Variants in ADCY2 observed in about 807,000 individuals in gnomAD.
ADCY2 encodes the protein adenylate cyclase 2, also known as adenylate cyclase type 2.
In ADCY2, 31 loss-of-function variants were observed where a neutral mutation model predicts 125.2. The observed-to-expected ratio is 0.25, with a 90% CI of 0.19 to 0.33. ADCY2 has a LOEUF of 0.33. ADCY2 is among the 10% of genes least tolerant of loss of function. The pLI, the probability that ADCY2 is intolerant of heterozygous loss-of-function variation, is 1.00. For synonymous variants in ADCY2, 512 were observed against 548.4 expected, an observed-to-expected ratio of 0.93 and a Z score of 0.93; for missense variants, 904 against 1,418.2, an observed-to-expected ratio of 0.64 and a Z score of 5.82.
rs796235047 is a variant in ADCY2 at position 7,501,531 on chromosome 5, A to T, written c.409-19207A>T. ...AAGAAGTTTAGTTTTGATATAGAAT[A>T]AAAAATCAGAAATAATTTTTAGGAA... On this transcript the variant is annotated intron_variant, in intron 2 of 24. Coordinates refer to ENST00000338316, the MANE Select transcript of ADCY2 (RefSeq NM_020546.3). Among the ~76,000 whole-genome samples, 8 of 152,116 alleles carry T rather than the reference A, an allele frequency of 5.3e-5. 1 individual carries two copies. The highest frequency in any genetic ancestry group is 1.9e-4 in the African/African-American group (8 of 41,502).
At chr5:7,722,960 CAAAAAAAAAAA>C (rs60426818) in intron 12 of ADCY2, among the ~76,000 whole-genome samples, 1 of 51,668 alleles carries the variant, frequency 1.9e-5, no homozygotes, top group South Asian at 9.9e-4. Context: ...AACTCCATCT[CAAAAAAAAAAA>C]AAAAAAAAAA....
At chr5:7,612,377 C>T (rs1050636301) in intron 3 of ADCY2, among the ~76,000 whole-genome samples, 13 of 152,268 alleles carry the variant, frequency 8.5e-5, no homozygotes, top group Admixed American at 2.0e-4. Flanking sequence ...TTGGGCTTCC[C>T]AGAAGCAGGC....
At chr5:7,578,270 G>T (rs913584491) in intron 3 of ADCY2, among the ~76,000 whole-genome samples, 8 of 152,318 alleles carry the variant, frequency 5.3e-5, no homozygotes, top group Non-Finnish European at 1.2e-4. Flanking sequence ...AGCCAGAGGA[G>T]GCCTTCTGAA....
intron 2 of ADCY2, among the ~76,000 whole-genome samples, chr5:7,448,857 T>C (rs1741374307): frequency 6.6e-6 from 1 of 152,248 alleles, no homozygotes; most frequent in South Asian, 2.1e-4. Flanking sequence ...TGTACCACAT[T>C]TTCTTTATCC....
rs1032780515 is a variant in ADCY2, at chr5:7,737,471, G to A, written c.1872-6197G>A. On this transcript the variant is annotated intron_variant, in intron 14 of 24. Coordinates refer to ENST00000338316, the MANE Select transcript of ADCY2 (RefSeq NM_020546.3). ...AGGCCATTCAGAAAATGGCTGCTAAGTAGAGAGTAAAAGAAATACCCAATC... is the reference window on the plus strand; with the variant it reads ...AGGCCATTCAGAAAATGGCTGCTAAATAGAGAGTAAAAGAAATACCCAATC... Among the ~76,000 whole-genome samples, 3 of 152,322 alleles carry A rather than the reference G, an allele frequency of 2.0e-5. No homozygotes were observed. In the South Asian group the frequency reaches 6.2e-4, roughly 32 times the overall value.
chr5:7,780,858 A>C (rs1435902197), intron 18 of ADCY2, among the ~76,000 whole-genome samples: 2 of 152,090 alleles, frequency 1.3e-5, no homozygotes, highest in Non-Finnish European at 2.9e-5. Context: ...CATCTCCCTC[A>C]CCAGTACGTT....
chr5:7,500,796 A>G (rs945970384), intron 2 of ADCY2, among the ~76,000 whole-genome samples: 2 of 146,090 alleles, frequency 1.4e-5, no homozygotes, highest in Admixed American at 1.3e-4. Flanking sequence ...TAGAAAGTGA[A>G]TGGAAAAACA....
chr5:7,768,223 G>A (rs1253375689), intron 17 of ADCY2, among the ~76,000 whole-genome samples: 1 of 152,346 alleles, frequency 6.6e-6, no homozygotes, highest in East Asian at 1.9e-4. Context: ...ATAAACTCCA[G>A]TAAGGGCTAG....
At chr5:7,627,370 A>G (rs1392507476) in intron 4 of ADCY2, among the ~76,000 whole-genome samples, 1 of 152,238 alleles carries the variant, frequency 6.6e-6, no homozygotes, top group Admixed American at 6.5e-5. Flanking sequence ...AAGCAGGCAC[A>G]ACAGATGTAC....
chr5:7,766,946 A>G, intron 17 of ADCY2, 140 bp downstream of exon 17: 1 of 1,145,264 alleles, frequency 8.7e-7, no homozygotes, highest in Non-Finnish European at 1.2e-6. Flanking sequence ...TTCTGAATTT[A>G]CAAATGTCAG....
intron 4 of ADCY2, among the ~76,000 whole-genome samples, chr5:7,671,218 A>G (rs1739923044): frequency 6.6e-6 from 1 of 152,208 alleles, no homozygotes; most frequent in Non-Finnish European, 1.5e-5. Flanking sequence ...CTGGTTTTCA[A>G]TGGAATCATA....
chr5:7,520,992 G>A (rs1462443862), intron 3 of ADCY2, 93 bp downstream of exon 3: 3 of 1,481,654 alleles, frequency 2.0e-6, no homozygotes, highest in Non-Finnish European at 2.8e-6. Flanking sequence ...TGTGTGTAGT[G>A]TGGTACCTGC....
intron 2 of ADCY2, among the ~76,000 whole-genome samples, chr5:7,463,619 A>C (rs1054635670): frequency 2.5e-5 from 1 of 40,096 alleles, no homozygotes; most frequent in Non-Finnish European, 3.8e-5. Flanking sequence ...GGTGATAGAT[A>C]AAAAAAAAAA....
At chr5:7,597,283 G>T (rs75389585) in intron 3 of ADCY2, among the ~76,000 whole-genome samples, 2,419 of 152,334 alleles carry the variant, frequency 0.016, 58 homozygotes, top group African/African-American at 0.055. Flanking sequence ...GTTCTAGCCA[G>T]TGCAGGCAGA....
chr5:7,468,291 G>C (rs1206912361), intron 2 of ADCY2, among the ~76,000 whole-genome samples: 1 of 152,082 alleles, frequency 6.6e-6, no homozygotes, highest in African/African-American at 2.4e-5. Flanking sequence ...CAGAAAATGA[G>C]GTGTAAATAT....
At chr5:7,810,291 T>C (rs1744894139) in intron 22 of ADCY2, among the ~76,000 whole-genome samples, 1 of 152,026 alleles carries the variant, frequency 6.6e-6, no homozygotes, top group Non-Finnish European at 1.5e-5. Flanking sequence ...TCTGCTTGAA[T>C]GGTGGGTTAT....
intron 4 of ADCY2, among the ~76,000 whole-genome samples, chr5:7,630,565 T>C (rs113240265): frequency 3.3e-5 from 5 of 152,244 alleles, no homozygotes; most frequent in African/African-American, 1.2e-4. Flanking sequence ...TATCTTACAG[T>C]TTCAGAGGTT....
chr5:7,692,480 G>T (rs1740734321), intron 5 of ADCY2, among the ~76,000 whole-genome samples: 1 of 152,210 alleles, frequency 6.6e-6, no homozygotes, highest in African/African-American at 2.4e-5. Flanking sequence ...GTTCACACAT[G>T]TTAAGGAGTA....
At chr5:7,644,934 C>T (rs1738844727) in intron 4 of ADCY2, among the ~76,000 whole-genome samples, 1 of 152,122 alleles carries the variant, frequency 6.6e-6, no homozygotes, top group Admixed American at 6.6e-5. Context: ...TGTTAACACC[C>T]TAGTTAATAA....
Sources: allele counts gnomAD v4.1 joint callset (sites outside exome capture counted in the v4.1 genomes callset), GRCh38; gene constraint gnomAD v4.1.1; transcripts MANE v1.5; gene names NCBI Gene and HGNC (gene_info 2026-07-23, HGNC 2026-07-21).